TMEM171: variants seen among roughly 807,000 people sequenced by gnomAD.
TMEM171 encodes the protein proline-rich protein PRP2.
A neutral mutation model predicts 19.1 loss-of-function variants in TMEM171; 16 were observed. That is an observed-to-expected ratio of 0.84 (90% confidence interval 0.57 to 1.27). The LOEUF is 1.27. Ranked by LOEUF, TMEM171 falls within the 50% of genes most tolerant of loss-of-function variation. The pLI is 0.00. For missense variants in TMEM171, 429 were observed against 412.7 expected, an observed-to-expected ratio of 1.04 and a Z score of -0.34; for synonymous variants, 153 against 163.4, an observed-to-expected ratio of 0.94 and a Z score of 0.48.
chr5:73,123,831 C>T lies in TMEM171; in HGVS notation c.458C>T (p.Ser153Leu), dbSNP rs1248726991. The T allele has an allele frequency of 1.9e-6, 3 of 1,612,974 alleles. No homozygotes were observed. In the East Asian group the frequency reaches 6.7e-5, roughly 36 times the overall value. ...EPLNETDTGD[S>L]EPRMCGFLSL... is the part of the protein sequence containing the mutation. Reference sequence around the variant, plus strand: ...CTAAACGAGACAGACACTGGCGACTCAGAGCCCCGGATGTGTGGGTTCCTT... The same window carrying T: ...CTAAACGAGACAGACACTGGCGACTTAGAGCCCCGGATGTGTGGGTTCCTT... Residue 153 changes from serine (S) to leucine (L), a missense_variant, in exon 2 of 4, where the codon TCA becomes TTA. Coordinates refer to ENST00000454765, the MANE Select transcript of TMEM171 (RefSeq NM_173490.8).
At chr5:73,120,814 A>G (rs1297813591) in intron 1 of TMEM171, 118 bp downstream of exon 1, 5 of 901,544 alleles carry the variant, frequency 5.5e-6, no homozygotes, top group South Asian at 5.1e-5. Flanking sequence ...TCCGAGCCCA[A>G]CCTGCGTCCC....
In TMEM171 at chr5:73,123,448, C is replaced by T; in HGVS notation, c.75C>T (p.Phe25=). ...ACGTCAGCAAACTCATCTTCTGCTT[C>T]TTTGTCTTCGGCGCCGTCTTGTTGT... ...DRHVSKLIFC[F]FVFGAVLLCV... The change falls in exon 2 of 4, where the codon TTC becomes TTT. Residue 25 remains phenylalanine (F), a synonymous_variant. Transcript: ENST00000454765. 1 of 1,614,206 alleles carries T rather than the reference C, an allele frequency of 6.2e-7. No individual in the cohort carries two copies. The highest frequency in any genetic ancestry group is 8.5e-7 in the Non-Finnish European group (1 of 1,180,028).
In TMEM171 at chr5:73,123,920, G is replaced by A. The variant is rs1334172974; in HGVS notation, c.547G>A (p.Val183Ile). 1 of 1,613,782 alleles carries A rather than the reference G, an allele frequency of 6.2e-7. No homozygotes were observed. The highest frequency in any genetic ancestry group is 8.5e-7 in the Non-Finnish European group (1 of 1,179,934). The change falls in exon 2 of 4, where the codon GTT becomes ATT. Residue 183 changes from valine to isoleucine, a missense_variant. Coordinates refer to ENST00000454765, the MANE Select transcript of TMEM171 (RefSeq NM_173490.8). ...ATTGTGTTTCTTCGTGGTTGCCCATGTTAAGAAGAGAAACACGCTGAATGC... is the reference window on the plus strand; with the variant it reads ...ATTGTGTTTCTTCGTGGTTGCCCATATTAAGAAGAGAAACACGCTGAATGC... ...VGLCFFVVAH[V>I]KKRNTLNAGQ...
At chr5:73,127,702 T>TA (rs1744212232) in intron 2 of TMEM171, among the ~76,000 whole-genome samples, 1 of 148,638 alleles carries the variant, frequency 6.7e-6, no homozygotes, top group African/African-American at 2.5e-5. Flanking sequence ...GCTTCGGCCT[T>TA]CCAAAATGCT....
At chr5:73,126,342 G>A (rs1744163654) in intron 2 of TMEM171, among the ~76,000 whole-genome samples, 1 of 152,168 alleles carries the variant, frequency 6.6e-6, no homozygotes, top group African/African-American at 2.4e-5. Flanking sequence ...CTTTAGATTA[G>A]CAAAACGTAT....
At position 73,123,464 on chromosome 5, in the gene TMEM171, G is replaced by A. The variant is rs780048359; in HGVS notation, c.91G>A (p.Val31Ile). ...CTTCTGCTTCTTTGTCTTCGGCGCC[G>A]TCTTGTTGTGTGTGGGAGTCCTGCT... ...LIFCFFVFGA[V>I]LLCVGVLLSI... The change falls in exon 2 of 4, where the codon GTC becomes ATC. Residue 31 changes from valine (V) to isoleucine (I), a missense_variant. Coordinates refer to ENST00000454765, the MANE Select transcript of TMEM171 (RefSeq NM_173490.8). The A allele has an allele frequency of 2.3e-5, 37 of 1,614,050 alleles. No homozygotes were observed. Among genetic ancestry groups the A allele is most frequent in the Middle Eastern group, 1.6e-4 (1 of 6,080 alleles).
chr5:73,126,867 C>A (rs1744176561), intron 2 of TMEM171, among the ~76,000 whole-genome samples: 1 of 136,254 alleles, frequency 7.3e-6, no homozygotes, highest in African/African-American at 2.8e-5. Flanking sequence ...AGGCCCCCAG[C>A]AGTGGTGCTG....
chr5:73,127,743 CTTT>C (rs1227330280), intron 2 of TMEM171, among the ~76,000 whole-genome samples: 2 of 136,444 alleles, frequency 1.5e-5, no homozygotes. Flanking sequence ...CCACGCCTGG[CTTT>C]TTTTTTTTTT....
In TMEM171 at chr5:73,127,384, A is replaced by AATATAT. The variant is rs59879336; in HGVS notation, c.641-988_641-983dup. Among the ~76,000 whole-genome samples the AATATAT allele has an allele frequency of 4.0e-3, 328 of 81,670 alleles. 10 individuals are homozygous for AATATAT. Among genetic ancestry groups the AATATAT allele is most frequent in the African/African-American group, 0.017 (263 of 15,216 alleles). The allele number at this position is 81,670 out of a possible 152,430, so 53.6% of individuals were successfully genotyped here. A position where few individuals can be genotyped will look rare whatever the true frequency, so the allele number is the denominator to read the frequency against. On this transcript the variant is annotated intron_variant, in intron 2 of 3. Transcript: ENST00000454765. ...AAATTTGTGGTAAAAAAAAAAAAAAAATATATATATATATATATATATAAA... is the reference window on the plus strand; with the variant it reads ...AAATTTGTGGTAAAAAAAAAAAAAAAATATATATATATATATATATATATATATAAA...
chr5:73,125,866 C>T (rs1744148831), intron 2 of TMEM171, among the ~76,000 whole-genome samples: 1 of 152,168 alleles, frequency 6.6e-6, no homozygotes, highest in South Asian at 2.1e-4. Flanking sequence ...ATCCTAATTC[C>T]TCTCCTTTGA....
intron 2 of TMEM171, 122 bp downstream of exon 2, chr5:73,124,135 T>C: frequency 1.2e-6 from 1 of 868,466 alleles, no homozygotes; most frequent in Non-Finnish European, 1.7e-6. Flanking sequence ...CACACATGTG[T>C]GTGCACACGC....
intron 3 of TMEM171, among the ~76,000 whole-genome samples, chr5:73,130,538 G>A (rs1744304232): frequency 6.6e-6 from 1 of 152,176 alleles, no homozygotes; most frequent in Non-Finnish European, 1.5e-5. Context: ...ACCCTGCCTT[G>A]ACAGAGCAGG....
rs561404537 is a variant in TMEM171 at position 73,131,580 on chromosome 5, T to C, written c.825T>C (p.Cys275=). 11 of 1,612,200 alleles carry C rather than the reference T, an allele frequency of 6.8e-6. No individual in the cohort carries two copies. In the South Asian group the frequency reaches 1.2e-4, roughly 18 times the overall value. Residue 275 remains cysteine, a synonymous_variant, in exon 4 of 4, where the codon TGT becomes TGC. Transcript: ENST00000454765. ...AGGGTGCAGCCTCTGAAAGAGACTG[T>C]GAATCTATATATACCATTTCTGGGA... The part of the protein sequence containing the change: ...TSEGAASERD[C]ESIYTISGTN...
At chr5:73,121,283 ACT>A in intron 1 of TMEM171, among the ~76,000 whole-genome samples, 1 of 152,206 alleles carries the variant, frequency 6.6e-6, no homozygotes, top group Admixed American at 6.5e-5. Context: ...TGCAAAGTTG[ACT>A]ATACTGGGAA....
At chr5:73,128,086 A>G (rs1410563332) in intron 2 of TMEM171, among the ~76,000 whole-genome samples, 1 of 152,054 alleles carries the variant, frequency 6.6e-6, no homozygotes, top group African/African-American at 2.4e-5. Flanking sequence ...ATACAGTCAC[A>G]ATGTTGTTCA....
intron 3 of TMEM171, 102 bp from the exon 4 acceptor site, chr5:73,131,436 A>G: frequency 2.3e-6 from 2 of 857,708 alleles, no homozygotes; most frequent in Non-Finnish European, 3.4e-6. Context: ...TCTTGCAAAT[A>G]CTCTTAAGTG....
At chr5:73,124,069 T>G in intron 2 of TMEM171, 56 bp downstream of exon 2, 1 of 1,398,764 alleles carries the variant, frequency 7.1e-7, no homozygotes, top group Non-Finnish European at 9.6e-7. Flanking sequence ...GCAGCAGGGT[T>G]TCACCAGCTG....
At chr5:73,128,953 G>T (rs764209594) in intron 3 of TMEM171, among the ~76,000 whole-genome samples, 1 of 152,102 alleles carries the variant, frequency 6.6e-6, no homozygotes, top group Non-Finnish European at 1.5e-5. Flanking sequence ...ATTAGCTGGG[G>T]ATGGTGGTAG....
Position 73,124,684 on chromosome 5 carries a change from G to A in TMEM171, c.640+671G>A, listed in dbSNP as rs79632165. 9.3e-4 allele frequency among the ~76,000 whole-genome samples: 142 copies of A among 152,236 alleles called. 1 individual carries two copies. The East Asian group carries it at 0.023, about 25-fold the overall frequency. On this transcript the variant is annotated intron_variant, in intron 2 of 3. Coordinates refer to ENST00000454765, the MANE Select transcript of TMEM171 (RefSeq NM_173490.8). ...GGCTGAGGCAAAGCTTGGAAGCAGC[G>A]GGATGAACCAAGATGGAATATGACA...
Sources: allele counts gnomAD v4.1 joint callset (sites outside exome capture counted in the v4.1 genomes callset), GRCh38; gene constraint gnomAD v4.1.1; transcripts MANE v1.5; gene names NCBI Gene and HGNC (gene_info 2026-07-23, HGNC 2026-07-21).